AHNAK: variants seen among roughly 807,000 people sequenced by gnomAD.
AHNAK encodes the protein neuroblast differentiation-associated protein AHNAK.
AHNAK carries 23 observed loss-of-function variants against 37.8 expected under a neutral mutation model. The ratio of observed to expected loss-of-function variants is 0.61; its 90% CI spans 0.44 to 0.86. AHNAK has a LOEUF of 0.86. Ranked by LOEUF, AHNAK falls within the 40% of genes least tolerant of loss-of-function variation. The pLI, the probability that AHNAK is intolerant of heterozygous loss-of-function variation, is 0.00. For missense variants in AHNAK, 7,411 were observed against 7,319.4 expected (o/e 1.01, Z -0.46); for synonymous variants, 2,481 against 2,636.3 (o/e 0.94, Z 1.80).
At chr11:62,450,289 C>T (rs1303862130) in intron 5 of AHNAK, among the ~76,000 whole-genome samples, 3 of 151,952 alleles carry the variant, frequency 2.0e-5, no homozygotes, top group Non-Finnish European at 4.4e-5. Flanking sequence ...TCCCAAGTAG[C>T]TGAGATTACA....
chr11:62,439,806 T>G (rs1215427007), intron 5 of AHNAK, among the ~76,000 whole-genome samples: 3 of 151,856 alleles, frequency 2.0e-5, no homozygotes, highest in Non-Finnish European at 4.4e-5. Flanking sequence ...TAGGTGGGAC[T>G]ATAGGCACCC....
intron 5 of AHNAK, among the ~76,000 whole-genome samples, chr11:62,448,904 T>C (rs1313375522): frequency 2.0e-5 from 3 of 151,954 alleles, no homozygotes; most frequent in East Asian, 3.9e-4. Context: ...CCCATTTCTA[T>C]TAAAAATACA....
In AHNAK at chr11:62,533,248, T is replaced by C; in HGVS notation, c.1169A>G (p.Lys390Arg). 1 of 1,526,174 alleles carries C rather than the reference T, an allele frequency of 6.6e-7. No individual in the cohort carries two copies. Among genetic ancestry groups the C allele is most frequent in the South Asian group, 1.3e-5 (1 of 75,272 alleles). 94.5% of individuals were successfully genotyped at this position (1,526,174 alleles called of 1,614,324 possible). The change falls in exon 5 of 5, where the codon AAG becomes AGG. Residue 390 changes from lysine (K) to arginine (R), a missense_variant. By Grantham distance (26) the Lys-to-Arg change is conservative (BLOSUM62 2). Transcript: ENST00000378024. ...ATCCACCCCAATGTGCCCCTGTGGCTTGGCACCTTTCAGGCCTAGGTCACC... is the reference window on the plus strand; with the variant it reads ...ATCCACCCCAATGTGCCCCTGTGGCCTGGCACCTTTCAGGCCTAGGTCACC... ...LEGDLGLKGAKPQGHIGVDAS... is the reference protein window; with the variant it reads ...LEGDLGLKGARPQGHIGVDAS...
At chr11:62,496,335 T>C (rs1374156497) in intron 4 of AHNAK, among the ~76,000 whole-genome samples, 6 of 152,196 alleles carry the variant, frequency 3.9e-5, no homozygotes, top group Admixed American at 3.9e-4. Flanking sequence ...TCCTAGGTGC[T>C]GTTGCAATTC....
At chr11:62,449,797 C>T (rs1444760078) in intron 5 of AHNAK, among the ~76,000 whole-genome samples, 1 of 152,216 alleles carries the variant, frequency 6.6e-6, no homozygotes, top group Non-Finnish European at 1.5e-5. Flanking sequence ...CTCCTAGCCT[C>T]ATCTGTAATG....
At position 62,525,037 on chromosome 11, in the gene AHNAK, A is replaced by G; in HGVS notation, c.9380T>C (p.Ile3127Thr). The G allele has an allele frequency of 6.2e-7, 1 of 1,613,652 alleles. No homozygotes were observed. The highest frequency in any genetic ancestry group is 2.2e-5 in the East Asian group (1 of 44,850). ...EGDMKVPDVD[I>T]KGPKVDINAP... Reference sequence around the variant, plus strand: ...ATTAATATCCACTTTGGGGCCTTTAATATCCACGTCAGGAACTTTCATGTC... The same window carrying G: ...ATTAATATCCACTTTGGGGCCTTTAGTATCCACGTCAGGAACTTTCATGTC... Residue 3127 changes from isoleucine to threonine, a missense_variant, in exon 5 of 5, where the codon ATT (isoleucine) becomes ACT (threonine). Ile to Thr is a moderately conservative substitution (Grantham distance 89). Coordinates refer to ENST00000378024, the MANE Select transcript of AHNAK (RefSeq NM_001620.3).
Position 62,522,026 on chromosome 11 carries a change from T to G in AHNAK, c.12391A>C (p.Met4131Leu), listed in dbSNP as rs368256739. ...TTCAGATTCAGGTCAACTTCAGGCA[T>G]AGAGATCTTCGGTGCCTTGAGGTGC... ...DLHLKAPKIS[M>L]PEVDLNLKGP... The change falls in exon 5 of 5, where the codon ATG becomes CTG. Residue 4131 changes from methionine to leucine, a missense_variant. By Grantham distance (15) the Met-to-Leu change is conservative (BLOSUM62 2). Transcript: ENST00000378024. The G allele has an allele frequency of 9.3e-5, 150 of 1,613,954 alleles. No individual in the cohort carries two copies. Among genetic ancestry groups the G allele is most frequent in the Middle Eastern group, 8.2e-4 (5 of 6,084 alleles).
intron 5 of AHNAK, among the ~76,000 whole-genome samples, chr11:62,475,922 G>A (rs1347950976): frequency 2.6e-5 from 4 of 152,058 alleles, no homozygotes; most frequent in South Asian, 4.1e-4. Flanking sequence ...ACTTGAAGGC[G>A]CATTTCTCGC....
intron 5 of AHNAK, among the ~76,000 whole-genome samples, chr11:62,469,783 T>A (rs1198883976): frequency 6.6e-6 from 1 of 152,112 alleles, no homozygotes; most frequent in Non-Finnish European, 1.5e-5. Context: ...GTAATTTTTG[T>A]CTTTTGACCA....
chr11:62,440,391 TG>T (rs1257971419), intron 5 of AHNAK, among the ~76,000 whole-genome samples: 4 of 152,072 alleles, frequency 2.6e-5, no homozygotes, highest in Non-Finnish European at 5.9e-5. Context: ...CCAAGGAACC[TG>T]GGATTGCTTC....
At chr11:62,459,849 A>C (rs1938747254) in intron 5 of AHNAK, among the ~76,000 whole-genome samples, 1 of 152,142 alleles carries the variant, frequency 6.6e-6, no homozygotes, top group Non-Finnish European at 1.5e-5. Context: ...TGTACCACCA[A>C]CAACTCTTGG....
intron 5 of AHNAK, among the ~76,000 whole-genome samples, chr11:62,459,349 G>A (rs1377595286): frequency 6.6e-6 from 1 of 152,202 alleles, no homozygotes; most frequent in African/African-American, 2.4e-5. Flanking sequence ...AGTCTACACT[G>A]AAAGCAGCCA....
At chr11:62,511,917 T>C (rs1439681431), downstream of AHNAK, among the ~76,000 whole-genome samples, 1 of 152,008 alleles carries the variant, frequency 6.6e-6, no homozygotes, top group Non-Finnish European at 1.5e-5. Context: ...GGCACAATCT[T>C]GGTTCACTGC....
intron 4 of AHNAK, among the ~76,000 whole-genome samples, chr11:62,495,737 C>CAA (rs1156362722): frequency 2.4e-4 from 16 of 67,508 alleles, no homozygotes; most frequent in Non-Finnish European, 2.1e-4. Context: ...GACTCCGTCT[C>CAA]AAAAAAAAAA....
rs923209070 is a variant in AHNAK, at chr11:62,487,508, C to G, written c.442+4224G>C. 2.6e-5 allele frequency among the ~76,000 whole-genome samples: 4 copies of G among 152,300 alleles called. No individual in the cohort carries two copies. In the South Asian group the frequency reaches 8.3e-4, roughly 32 times the overall value. On this transcript the variant is annotated intron_variant, in intron 5 of 5. Transcript: ENST00000257247. ...ACCGCCTTCAACATTTAGGACACAG[C>G]GTAAGTGTCTTTTTTTTTTGAGACG...
intron 5 of AHNAK, chr11:62,491,593 G>C (rs1199787544): frequency 4.2e-6 from 3 of 722,556 alleles, no homozygotes; most frequent in Non-Finnish European, 6.8e-6. Context: ...GGAGAAAGAG[G>C]GGCTGGGCTC....
rs1340064164 is a variant in AHNAK at position 62,523,593 on chromosome 11, G to C, written c.10824C>G (p.Pro3608=). 1.9e-6 allele frequency: 3 copies of C among 1,613,956 alleles called. No individual in the cohort carries two copies. The highest frequency in any genetic ancestry group is 2.5e-6 in the Non-Finnish European group (3 of 1,180,034). ...CTTTGAAGCCAGGCATGCTGAACTT[G>C]GGCATTTTCACTTTGGGCATCTTCA... ...WHLKMPKVKM[P]KFSMPGFKGE... Residue 3608 remains proline (P), a synonymous_variant, in exon 5 of 5, where the codon CCC becomes CCG. Coordinates refer to ENST00000378024, the MANE Select transcript of AHNAK (RefSeq NM_001620.3).
At chr11:62,514,065 T>C (rs373868050), downstream of AHNAK, among the ~76,000 whole-genome samples, 214 of 152,290 alleles carry the variant, frequency 1.4e-3, no homozygotes, top group African/African-American at 4.8e-3. Flanking sequence ...GGGCCACCAC[T>C]AGCCTTCATC....
intron 4 of AHNAK, among the ~76,000 whole-genome samples, chr11:62,509,938 T>C (rs1236472751): frequency 6.6e-6 from 1 of 151,674 alleles, no homozygotes; most frequent in Non-Finnish European, 1.5e-5. Flanking sequence ...AAAAAAGACA[T>C]TACTGTAAAG....
Sources: gnomAD v4.1 joint callset for allele counts (sites outside exome capture counted in the v4.1 genomes callset) on GRCh38, gnomAD v4.1.1 for gene constraint, MANE v1.5 for transcripts, NCBI Gene and HGNC (gene_info 2026-07-23, HGNC 2026-07-21) for gene names.